The following LRRC8B variants were observed in gnomAD, a reference collection of about 807,000 sequenced individuals.
The protein encoded by LRRC8B is leucine rich repeat containing 8 VRAC subunit B, also known as volume-regulated anion channel subunit LRRC8B.
LRRC8B carries 23 observed loss-of-function variants against 58.8 expected under a neutral mutation model. The ratio of observed to expected loss-of-function variants is 0.39; its 90% CI spans 0.28 to 0.55. The LOEUF (loss-of-function observed/expected upper bound fraction) is 0.55, where lower values mean the gene tolerates loss of function less well. Ranked by LOEUF, LRRC8B falls within the 20% of genes least tolerant of loss-of-function variation. The pLI is 0.62. For missense variants in LRRC8B, 694 were observed against 936.0 expected (o/e 0.74, Z 3.37); for synonymous variants, 359 against 374.1 (o/e 0.96, Z 0.47).
intron 1 of LRRC8B, among the ~76,000 whole-genome samples, chr1:89,530,852 A>T (rs1197650169): frequency 6.6e-6 from 1 of 152,058 alleles, no homozygotes; most frequent in Non-Finnish European, 1.5e-5. Context: ...GTGCTTTGGG[A>T]GGTGCCGTTT....
chr1:89,532,459 G>A (rs1034391110), intron 1 of LRRC8B, among the ~76,000 whole-genome samples: 5 of 152,152 alleles, frequency 3.3e-5, no homozygotes, highest in Non-Finnish European at 5.9e-5. Context: ...CCCACGTGTC[G>A]TGGGAGGGAC....
chr1:89,546,897 G>A (rs1003390001), intron 1 of LRRC8B, among the ~76,000 whole-genome samples: 1 of 152,208 alleles, frequency 6.6e-6, no homozygotes, highest in Admixed American at 6.5e-5. Flanking sequence ...ATTCAGTAAT[G>A]ATTCTAGAGC....
At chr1:89,565,174 G>A (rs1022327142) in intron 1 of LRRC8B, among the ~76,000 whole-genome samples, 3 of 152,182 alleles carry the variant, frequency 2.0e-5, no homozygotes, top group Non-Finnish European at 4.4e-5. Flanking sequence ...GGACAAGTGG[G>A]CACAGAATGG....
intron 1 of LRRC8B, among the ~76,000 whole-genome samples, chr1:89,562,922 G>GCT: frequency 2.0e-5 from 3 of 152,192 alleles, no homozygotes; most frequent in Admixed American, 2.0e-4. Flanking sequence ...GTATTTAGCA[G>GCT]GCAGGCAGGA....
intron 1 of LRRC8B, among the ~76,000 whole-genome samples, chr1:89,555,892 G>A (rs772353297): frequency 4.6e-5 from 7 of 152,134 alleles, no homozygotes; most frequent in Non-Finnish European, 8.8e-5. Flanking sequence ...TTTGGCCTTT[G>A]CCCCCATGTC....
At chr1:89,535,801 A>G (rs1650486293) in intron 1 of LRRC8B, among the ~76,000 whole-genome samples, 1 of 152,186 alleles carries the variant, frequency 6.6e-6, no homozygotes, top group Admixed American at 6.5e-5. Flanking sequence ...GGAAAAAAAA[A>G]TGCTTAAGCA....
At chr1:89,544,020 T>C (rs1651219034) in intron 1 of LRRC8B, among the ~76,000 whole-genome samples, 1 of 152,198 alleles carries the variant, frequency 6.6e-6, no homozygotes, top group Admixed American at 6.5e-5. Context: ...GGTTTTGAAC[T>C]CTTGGACTCA....
At chr1:89,532,083 C>T (rs546383360) in intron 1 of LRRC8B, among the ~76,000 whole-genome samples, 1 of 152,254 alleles carries the variant, frequency 6.6e-6, no homozygotes, top group East Asian at 1.9e-4. Flanking sequence ...CTGGAATGCT[C>T]TTCCTTTATA....
In LRRC8B at chr1:89,578,082, A is replaced by G. The variant is rs569958986; in HGVS notation, c.-124-1509A>G. 5.9e-5 allele frequency among the ~76,000 whole-genome samples: 9 copies of G among 152,330 alleles called. No homozygotes were observed. In the South Asian group the frequency reaches 1.9e-3, roughly 32 times the overall value. On this transcript the variant is annotated intron_variant, in intron 3 of 5. Transcript: ENST00000330947. Reference sequence around the variant, plus strand: ...TTTGGGACTGCCTTAATTTCTATGCATATAAACATAAAGAGTAATACTATT... The same window carrying G: ...TTTGGGACTGCCTTAATTTCTATGCGTATAAACATAAAGAGTAATACTATT...
At chr1:89,564,649 G>C (rs1249365339) in intron 1 of LRRC8B, among the ~76,000 whole-genome samples, 1 of 152,110 alleles carries the variant, frequency 6.6e-6, no homozygotes, top group Non-Finnish European at 1.5e-5. Flanking sequence ...TTAGTGTCAG[G>C]TTCTTCCTGC....
chr1:89,564,838 T>C (rs578235861), intron 1 of LRRC8B, among the ~76,000 whole-genome samples: 1 of 152,198 alleles, frequency 6.6e-6, no homozygotes, highest in East Asian at 1.9e-4. Flanking sequence ...GTTTTAAACA[T>C]CTTTTGTGTT....
intron 5 of LRRC8B, among the ~76,000 whole-genome samples, 157 bp downstream of exon 5, chr1:89,584,946 C>A (rs1292362274): frequency 2.0e-5 from 3 of 152,204 alleles, no homozygotes; most frequent in Admixed American, 2.0e-4. Flanking sequence ...CCATTTTTAA[C>A]CTAAATTACA....
chr1:89,527,472 CCAGAGCACTGGGTACAT>C (rs1196582282), intron 1 of LRRC8B, among the ~76,000 whole-genome samples: 2 of 152,210 alleles, frequency 1.3e-5, no homozygotes, highest in Non-Finnish European at 2.9e-5. Flanking sequence ...ATCCTGACTC[CCAGAGCACTGGGTACAT>C]CAGCAAACAG....
At position 89,582,785 on chromosome 1, in the gene LRRC8B, C is replaced by T; in HGVS notation, c.135C>T (p.Leu45=). The change falls in exon 5 of 6, where the codon CTC becomes CTT. Residue 45 remains leucine, a synonymous_variant. Transcript: ENST00000330947. The part of the protein sequence containing the change: ...MLLVAVLAGA[L]QLTQSRVLCC... ...TGGTGGCCGTGCTGGCCGGAGCTCT[C>T]CAGCTGACGCAGAGCAGGGTTCTGT... The T allele has an allele frequency of 1.2e-6, 2 of 1,614,170 alleles. No homozygotes were observed. The highest frequency in any genetic ancestry group is 1.7e-6 in the Non-Finnish European group (2 of 1,180,028).
chr1:89,576,389 GA>G (rs900882986), intron 3 of LRRC8B, among the ~76,000 whole-genome samples: 26 of 150,030 alleles, frequency 1.7e-4, no homozygotes, highest in South Asian at 4.2e-4. Flanking sequence ...AGATTTGGGG[GA>G]AAAAAAAAAT....
chr1:89,549,884 C>T (rs1403393244), intron 1 of LRRC8B: 5 of 152,142 alleles, frequency 3.3e-5, no homozygotes, highest in African/African-American at 4.8e-5. Flanking sequence ...AACAGCTTAA[C>T]AAACTCATTT....
chr1:89,547,133 T>C (rs1651465307), intron 1 of LRRC8B, among the ~76,000 whole-genome samples: 2 of 152,204 alleles, frequency 1.3e-5, no homozygotes, highest in Admixed American at 1.3e-4. Context: ...TATAATGATG[T>C]GTGACACATC....
intron 1 of LRRC8B, among the ~76,000 whole-genome samples, chr1:89,529,002 T>TA (rs34402953): frequency 2.6e-5 from 4 of 151,932 alleles, no homozygotes; most frequent in South Asian, 2.1e-4. Flanking sequence ...CCTAGCTAAA[T>TA]AAAAAAAAGT....
chr1:89,573,943 G>A (rs1187866036), intron 3 of LRRC8B, among the ~76,000 whole-genome samples: 1 of 152,202 alleles, frequency 6.6e-6, no homozygotes. Context: ...TAGGTTTTTT[G>A]ATCAATAGAA....
Sources: gnomAD v4.1 joint callset for allele counts (sites outside exome capture counted in the v4.1 genomes callset) on GRCh38, gnomAD v4.1.1 for gene constraint, MANE v1.5 for transcripts, NCBI Gene and HGNC (gene_info 2026-07-23, HGNC 2026-07-21) for gene names.